The following CAST variants were observed in gnomAD, a reference collection of about 807,000 sequenced individuals.
CAST encodes calpastatin.
CAST carries 76 observed loss-of-function variants against 119.6 expected under a neutral mutation model. The ratio of observed to expected loss-of-function variants is 0.64; its 90% CI spans 0.53 to 0.77. The LOEUF is 0.77. Ranked by LOEUF, CAST falls within the 30% of genes least tolerant of loss-of-function variation. The probability of loss-of-function intolerance (pLI) is 0.00; values close to 1 mark genes in which losing one functional copy is unlikely to be tolerated. For synonymous variants in CAST, 319 were observed against 331.6 expected, an observed-to-expected ratio of 0.96 and a Z score of 0.41; for missense variants, 953 against 946.5, an observed-to-expected ratio of 1.01 and a Z score of -0.09.
the CAST span, among the ~76,000 whole-genome samples, chr5:96,492,253 T>C: frequency 6.6e-6 from 1 of 152,240 alleles, no homozygotes; most frequent in African/African-American, 2.4e-5. Flanking sequence ...GTTTGACCAG[T>C]TGAAGTTGCA....
At chr5:96,102,962 G>C in the CAST span, among the ~76,000 whole-genome samples, 6 of 152,190 alleles carry the variant, frequency 3.9e-5, no homozygotes, top group African/African-American at 1.4e-4. Flanking sequence ...AGAAGAGAAA[G>C]AGTATTGCTA....
At chr5:96,338,214 T>C in the CAST span, among the ~76,000 whole-genome samples, 1 of 152,234 alleles carries the variant, frequency 6.6e-6, no homozygotes, top group East Asian at 1.9e-4. Flanking sequence ...CTATTTTTAT[T>C]CTGCTTTCAT....
chr5:96,458,428 C>A, the CAST span, among the ~76,000 whole-genome samples: 4 of 152,022 alleles, frequency 2.6e-5, no homozygotes, highest in African/African-American at 9.7e-5. Flanking sequence ...TTCATGAATC[C>A]GTAAAATTTA....
the CAST span, among the ~76,000 whole-genome samples, chr5:96,443,558 T>G: frequency 6.6e-6 from 1 of 152,236 alleles, no homozygotes; most frequent in African/African-American, 2.4e-5. Flanking sequence ...AAAGTATATG[T>G]TTTGTAATCA....
At chr5:96,245,786 G>T in the CAST span, among the ~76,000 whole-genome samples, 7 of 152,108 alleles carry the variant, frequency 4.6e-5, no homozygotes, top group African/African-American at 1.4e-4. Flanking sequence ...GATTGTATTT[G>T]GAAAATCCAT....
chr5:96,587,802 A>T (rs1746885380), intron 1 of CAST, among the ~76,000 whole-genome samples: 1 of 152,144 alleles, frequency 6.6e-6, no homozygotes, highest in Non-Finnish European at 1.5e-5. Context: ...AGTATTCTTT[A>T]TTTTTGTTCC....
At chr5:96,605,059 T>C (rs1407748657) in intron 1 of CAST, among the ~76,000 whole-genome samples, 2 of 152,064 alleles carry the variant, frequency 1.3e-5, no homozygotes, top group Non-Finnish European at 1.5e-5. Context: ...AGATGGGACA[T>C]TGAGGTTGAC....
chr5:96,332,745 G>C, the CAST span, among the ~76,000 whole-genome samples: 1 of 152,152 alleles, frequency 6.6e-6, no homozygotes, highest in Non-Finnish European at 1.5e-5. Context: ...ACACTGCATA[G>C]GTTCCTTAGC....
intron 1 of CAST, among the ~76,000 whole-genome samples, chr5:96,663,956 ATCAC>A (rs1341725595): frequency 3.4e-5 from 5 of 149,104 alleles, no homozygotes; most frequent in African/African-American, 1.3e-4. Context: ...AAAAAAAAAA[ATCAC>A]ACACAGGAGT....
chr5:96,166,411 C>T, the CAST span, among the ~76,000 whole-genome samples: 3 of 152,178 alleles, frequency 2.0e-5, no homozygotes, highest in South Asian at 6.2e-4. Context: ...CCAGAATGAG[C>T]CTACTTCAGC....
chr5:96,054,509 C>T, the CAST span, among the ~76,000 whole-genome samples: 1 of 152,122 alleles, frequency 6.6e-6, no homozygotes, highest in Non-Finnish European at 1.5e-5. Flanking sequence ...TTTGCAAAAA[C>T]CACGCACTGG....
At chr5:96,033,139 A>G in the CAST span, among the ~76,000 whole-genome samples, 1 of 152,144 alleles carries the variant, frequency 6.6e-6, no homozygotes, top group African/African-American at 2.4e-5. Context: ...TCTCTACACT[A>G]AAAGTTATAA....
At chr5:96,745,460 A>G (rs986419300) in intron 16 of CAST, among the ~76,000 whole-genome samples, 1 of 152,212 alleles carries the variant, frequency 6.6e-6, no homozygotes, top group African/African-American at 2.4e-5. Context: ...ATCCTGTTTA[A>G]ATGTTACTAA....
At position 96,624,350 on chromosome 5, in the gene CAST, G is replaced by A. The variant is rs568883092; in HGVS notation, c.61-51189G>A. 9.8e-5 allele frequency among the ~76,000 whole-genome samples: 15 copies of A among 152,286 alleles called. No homozygotes were observed. In the South Asian group the frequency reaches 1.7e-3, roughly 17 times the overall value. On this transcript the variant is annotated intron_variant, in intron 1 of 11. Coordinates refer to the CAST transcript ENST00000505143. Reference sequence around the variant, plus strand: ...AGTTTAGAAGAGTCTGGGAAAATACGGTGAATAGTGTGATTCCAATCTTGC... The same window carrying A: ...AGTTTAGAAGAGTCTGGGAAAATACAGTGAATAGTGTGATTCCAATCTTGC...
chr5:96,627,463 T>G (rs1747745439), intron 1 of CAST, among the ~76,000 whole-genome samples: 2 of 152,214 alleles, frequency 1.3e-5, no homozygotes, highest in South Asian at 2.1e-4. Flanking sequence ...TACATATAAC[T>G]TTTTCTCTCT....
chr5:96,762,452 C>A, intron 25 of CAST, 80 bp downstream of exon 25: 2 of 982,140 alleles, frequency 2.0e-6, no homozygotes, highest in Non-Finnish European at 1.5e-6. Flanking sequence ...CTGTTTAAAG[C>A]AAATGAAAAT....
the CAST span, among the ~76,000 whole-genome samples, chr5:96,400,398 T>C: frequency 6.6e-6 from 1 of 152,246 alleles, no homozygotes; most frequent in Non-Finnish European, 1.5e-5. Flanking sequence ...ATATAAGTTA[T>C]GACTTCTCTC....
the CAST span, among the ~76,000 whole-genome samples, chr5:96,472,550 C>T: frequency 6.6e-6 from 1 of 152,198 alleles, no homozygotes; most frequent in Non-Finnish European, 1.5e-5. Context: ...CAACACAACA[C>T]TCTAGGCAAG....
At chr5:96,389,650 T>C in the CAST span, among the ~76,000 whole-genome samples, 3 of 152,036 alleles carry the variant, frequency 2.0e-5, no homozygotes, top group Non-Finnish European at 4.4e-5. Flanking sequence ...AAGTTGGGAA[T>C]TGGGGCCTGG....
Sources: gnomAD v4.1 joint callset for allele counts (sites outside exome capture counted in the v4.1 genomes callset) on GRCh38, gnomAD v4.1.1 for gene constraint, MANE v1.5 for transcripts, NCBI Gene and HGNC (gene_info 2026-07-23, HGNC 2026-07-21) for gene names.